GPR158: variants seen among roughly 807,000 people sequenced by gnomAD.
The protein encoded by GPR158 is G protein-coupled receptor 158.
GPR158 carries 30 observed loss-of-function variants against 78.2 expected under a neutral mutation model. The observed-to-expected ratio is 0.38, with a 90% CI of 0.29 to 0.52. GPR158 has a LOEUF of 0.52. Among genes scored for constraint, GPR158 ranks in the 20% least tolerant of loss-of-function variants. GPR158 has a pLI of 0.83. For synonymous variants in GPR158, 581 were observed against 591.1 expected (o/e 0.98, Z 0.25); for missense variants, 1,463 against 1,523.5 (o/e 0.96, Z 0.66).
chr10:25,230,449 A>G (rs1208245453), intron 2 of GPR158, among the ~76,000 whole-genome samples: 1 of 152,222 alleles, frequency 6.6e-6, no homozygotes, highest in East Asian at 1.9e-4. Context: ...TTCAGTTCTC[A>G]TACATTAAAA....
chr10:25,520,952 C>T (rs1257503731), intron 5 of GPR158, among the ~76,000 whole-genome samples: 3 of 152,220 alleles, frequency 2.0e-5, no homozygotes, highest in Admixed American at 6.5e-5. Flanking sequence ...TGGCGGGCGC[C>T]CCTCCCCCAG....
intron 7 of GPR158, among the ~76,000 whole-genome samples, chr10:25,576,486 T>G (rs892783170): frequency 1.3e-5 from 2 of 152,042 alleles, no homozygotes; most frequent in Non-Finnish European, 2.9e-5. Context: ...CCACTTGCAG[T>G]AATGGAACTA....
chr10:25,265,500 A>C lies in GPR158; in HGVS notation c.1008+44343A>C, dbSNP rs540144602. Among the ~76,000 whole-genome samples, 11 of 152,262 alleles carry C rather than the reference A, an allele frequency of 7.2e-5. No homozygotes were observed. The South Asian group carries it at 2.3e-3, about 32-fold the overall frequency. Reference sequence around the variant, plus strand: ...TGTACTCCACTGGGATTTCATGATGAATTTTAATAATGCAGCCTATGCCAA... The same window carrying C: ...TGTACTCCACTGGGATTTCATGATGCATTTTAATAATGCAGCCTATGCCAA... On this transcript the variant is annotated intron_variant, in intron 2 of 10. Transcript: ENST00000376351.
At chr10:25,447,492 A>G (rs1588868799) in intron 4 of GPR158, among the ~76,000 whole-genome samples, 1 of 152,190 alleles carries the variant, frequency 6.6e-6, no homozygotes, top group East Asian at 1.9e-4. Flanking sequence ...CGTTTCTGTT[A>G]GTTTCTCGTT....
chr10:25,230,622 T>C (rs531353536), intron 2 of GPR158, among the ~76,000 whole-genome samples: 9 of 152,262 alleles, frequency 5.9e-5, no homozygotes, highest in African/African-American at 1.7e-4. Flanking sequence ...AAATAGCTAT[T>C]ATATGGATAT....
intron 2 of GPR158, among the ~76,000 whole-genome samples, chr10:25,281,741 G>C (rs1053652955): frequency 1.3e-5 from 2 of 152,026 alleles, no homozygotes; most frequent in Admixed American, 6.6e-5. Flanking sequence ...AATAAGCCAA[G>C]AGAAAGTAAA....
chr10:25,364,637 G>A (rs1306269431), intron 2 of GPR158, among the ~76,000 whole-genome samples: 1 of 151,766 alleles, frequency 6.6e-6, no homozygotes, highest in African/African-American at 2.4e-5. Context: ...GTTTCTCAGT[G>A]TTCCTGAATA....
chr10:25,368,452 G>C (rs528588386), intron 2 of GPR158, among the ~76,000 whole-genome samples: 19 of 151,930 alleles, frequency 1.3e-4, no homozygotes, highest in South Asian at 2.1e-4. Context: ...TTCAAAAGAA[G>C]ACATACATAT....
intron 1 of GPR158, among the ~76,000 whole-genome samples, chr10:25,213,150 T>C (rs1204723299): frequency 2.0e-5 from 3 of 152,186 alleles, no homozygotes; most frequent in Admixed American, 1.3e-4. Flanking sequence ...CTCATTTTTC[T>C]TTTTCAGTTT....
At chr10:25,581,584 T>TA (rs1837199738) in intron 7 of GPR158, among the ~76,000 whole-genome samples, 1 of 136,232 alleles carries the variant, frequency 7.3e-6, no homozygotes, top group African/African-American at 2.6e-5. Context: ...CTCAAAGAAG[T>TA]AAAACAGTTT....
At chr10:25,535,009 T>A (rs1479506507) in intron 5 of GPR158, among the ~76,000 whole-genome samples, 1 of 152,220 alleles carries the variant, frequency 6.6e-6, no homozygotes, top group Non-Finnish European at 1.5e-5. Context: ...CTTTTCTTGC[T>A]TTCAAAAATT....
intron 2 of GPR158, among the ~76,000 whole-genome samples, chr10:25,313,390 A>C (rs1169391896): frequency 6.6e-6 from 1 of 152,092 alleles, no homozygotes; most frequent in Non-Finnish European, 1.5e-5. Context: ...CTAAAACTTA[A>C]AGTATAATAA....
intron 2 of GPR158, among the ~76,000 whole-genome samples, chr10:25,255,030 G>C (rs1227532898): frequency 6.6e-6 from 1 of 152,024 alleles, no homozygotes; most frequent in Non-Finnish European, 1.5e-5. Context: ...GTATTCCATG[G>C]GTCTGGACTC....
intron 1 of GPR158, among the ~76,000 whole-genome samples, chr10:25,213,674 A>G (rs1853165962): frequency 6.6e-6 from 1 of 152,098 alleles, no homozygotes; most frequent in Non-Finnish European, 1.5e-5. Flanking sequence ...ATGAAAACAG[A>G]ACTGTTCATT....
chr10:25,379,014 G>T (rs574273602), intron 2 of GPR158, among the ~76,000 whole-genome samples: 1 of 151,966 alleles, frequency 6.6e-6, no homozygotes, highest in African/African-American at 2.4e-5. Context: ...TGGTCTCAAA[G>T]TCCAGAGCTC....
intron 2 of GPR158, among the ~76,000 whole-genome samples, chr10:25,260,246 G>A (rs1030368617): frequency 1.3e-5 from 2 of 152,082 alleles, no homozygotes; most frequent in Admixed American, 1.3e-4. Context: ...CAATTACAGT[G>A]CTTGGTGTGA....
chr10:25,192,812 CAAA>C (rs148056139), intron 1 of GPR158, among the ~76,000 whole-genome samples: 1 of 146,378 alleles, frequency 6.8e-6, no homozygotes, highest in African/African-American at 2.5e-5. Context: ...TCGAATTCAT[CAAA>C]AAAAAAAGTG....
At chr10:25,536,291 TTTG>T (rs1266212237) in intron 5 of GPR158, among the ~76,000 whole-genome samples, 2 of 152,226 alleles carry the variant, frequency 1.3e-5, no homozygotes, top group Non-Finnish European at 2.9e-5. Flanking sequence ...TTTTACATTA[TTTG>T]TTATATTAAA....
chr10:25,245,331 T>C (rs1853674434), intron 2 of GPR158, among the ~76,000 whole-genome samples: 1 of 152,198 alleles, frequency 6.6e-6, no homozygotes, highest in Non-Finnish European at 1.5e-5. Context: ...TGTCAGTAAA[T>C]CCTATGGTGA....
Sources: allele counts gnomAD v4.1 joint callset (sites outside exome capture counted in the v4.1 genomes callset), GRCh38; gene constraint gnomAD v4.1.1; transcripts MANE v1.5; gene names NCBI Gene and HGNC (gene_info 2026-07-23, HGNC 2026-07-21).